The following CLIC5 variants were observed in gnomAD, a reference collection of about 807,000 sequenced individuals.
CLIC5 encodes the protein chloride intracellular channel protein 5.
Under a neutral mutation model 24.7 loss-of-function variants are expected in CLIC5, and 20 were observed. The ratio of observed to expected loss-of-function variants is 0.81; its 90% CI spans 0.57 to 1.18. The LOEUF is 1.18. Ranked by LOEUF, CLIC5 falls within the 50% of genes most tolerant of loss-of-function variation. The probability of loss-of-function intolerance (pLI) is 0.00; values close to 1 mark genes in which losing one functional copy is unlikely to be tolerated. For synonymous variants in CLIC5, 159 were observed against 135.6 expected (o/e 1.17, Z -1.20); for missense variants, 341 against 326.1 (o/e 1.05, Z -0.35).
Position 45,902,910 on chromosome 6 carries a change from A to T in CLIC5, c.*178T>A. On this transcript the variant is annotated 3_prime_UTR_variant, in exon 6 of 6. Transcript: ENST00000339561. ...TGCTAGATTCCTATGTGAGGAGGCC[A>T]GGGATGGTGCTGACCTTCATGAAAG... The T allele has an allele frequency of 1.5e-6, 1 of 647,530 alleles. No homozygotes were observed. 40.1% of individuals were successfully genotyped at this position (647,530 alleles called of 1,614,324 possible). A position where few individuals can be genotyped will look rare whatever the true frequency, so the allele number is the denominator to read the frequency against.
At chr6:46,105,748 T>C in the CLIC5 span, among the ~76,000 whole-genome samples, 1 of 152,224 alleles carries the variant, frequency 6.6e-6, no homozygotes, top group Admixed American at 6.5e-5. Flanking sequence ...CTCTTTGGCC[T>C]TGGGGATGCC....
chr6:46,049,637 C>A (rs1768049550), intron 1 of CLIC5, among the ~76,000 whole-genome samples: 1 of 152,142 alleles, frequency 6.6e-6, no homozygotes, highest in Non-Finnish European at 1.5e-5. Flanking sequence ...GTCAACCTGG[C>A]TGTGGGAATA....
At chr6:45,925,244 A>AT (rs567793327) in intron 4 of CLIC5, among the ~76,000 whole-genome samples, 367 of 151,976 alleles carry the variant, frequency 2.4e-3, no homozygotes, top group African/African-American at 8.3e-3. Context: ...TCAGGCTTCT[A>AT]TTACAAACAG....
chr6:46,007,367 C>T (rs1444413011), intron 1 of CLIC5, among the ~76,000 whole-genome samples: 1 of 152,166 alleles, frequency 6.6e-6, no homozygotes, highest in Non-Finnish European at 1.5e-5. Context: ...ACTAACCTTT[C>T]CAGGGGTGAA....
intron 3 of CLIC5, among the ~76,000 whole-genome samples, chr6:45,949,028 C>T (rs1339655373): frequency 1.3e-5 from 2 of 152,092 alleles, no homozygotes; most frequent in Non-Finnish European, 2.9e-5. Context: ...GTAGGAGTGA[C>T]TGGCTCTTGT....
At chr6:45,923,121 G>A (rs1312388011) in intron 4 of CLIC5, among the ~76,000 whole-genome samples, 3 of 152,244 alleles carry the variant, frequency 2.0e-5, no homozygotes, top group Non-Finnish European at 2.9e-5. Flanking sequence ...CTAATAGAAA[G>A]TACGGCATAA....
At chr6:45,912,232 T>C in intron 5 of CLIC5, 4 of 987,862 alleles carry the variant, frequency 4.0e-6, no homozygotes, top group Non-Finnish European at 4.8e-6. Flanking sequence ...TTCTGGGATC[T>C]GATAAGCTGG....
At chr6:45,964,489 G>A (rs538301462) in intron 1 of CLIC5, among the ~76,000 whole-genome samples, 9 of 152,262 alleles carry the variant, frequency 5.9e-5, no homozygotes, top group African/African-American at 1.9e-4. Context: ...AGGTAATAGG[G>A]GGTGATACAG....
intron 1 of CLIC5, among the ~76,000 whole-genome samples, chr6:46,004,760 A>C (rs1766488715): frequency 1.3e-5 from 2 of 151,804 alleles, no homozygotes; most frequent in Non-Finnish European, 2.9e-5. Context: ...TGAATGAGGA[A>C]AGGCCACATA....
chr6:46,080,263 T>A (rs1416165), exon 1 of CLIC5: 1 of 1,541,374 alleles, frequency 6.5e-7, no homozygotes, highest in South Asian at 1.2e-5. Context: ...CCGAGAGATC[T>A]GTTTACAGGG....
At chr6:45,932,478 CTTGCTTAATACG>C (rs1763774601) in intron 4 of CLIC5, among the ~76,000 whole-genome samples, 1 of 152,206 alleles carries the variant, frequency 6.6e-6, no homozygotes, top group African/African-American at 2.4e-5. Context: ...TGAGGATGAT[CTTGCTTAATACG>C]TTTACTTTAA....
chr6:46,108,032 C>CAAAAAA, the CLIC5 span, among the ~76,000 whole-genome samples: 10 of 33,212 alleles, frequency 3.0e-4, 1 homozygote, highest in African/African-American at 4.9e-4. Context: ...AAAACTCCAT[C>CAAAAAA]AAAAAAAAAA....
At chr6:45,909,915 T>C (rs1762770233) in intron 5 of CLIC5, among the ~76,000 whole-genome samples, 1 of 152,194 alleles carries the variant, frequency 6.6e-6, no homozygotes, top group Non-Finnish European at 1.5e-5. Flanking sequence ...CTCTGGGCTT[T>C]TGTCTCCATT....
At chr6:46,041,129 GAAAAAC>G (rs1389148106) in intron 1 of CLIC5, among the ~76,000 whole-genome samples, 1 of 152,218 alleles carries the variant, frequency 6.6e-6, no homozygotes, top group East Asian at 1.9e-4. Context: ...ATATGCATAT[GAAAAAC>G]TATGTTAGAA....
intron 1 of CLIC5, among the ~76,000 whole-genome samples, chr6:46,037,017 T>G (rs1025855215): frequency 6.6e-6 from 1 of 152,206 alleles, no homozygotes; most frequent in African/African-American, 2.4e-5. Flanking sequence ...CCCCCATTTT[T>G]TTTTCATCCT....
chr6:45,910,494 C>T (rs1762786206), intron 5 of CLIC5, among the ~76,000 whole-genome samples: 1 of 152,100 alleles, frequency 6.6e-6, no homozygotes, highest in African/African-American at 2.4e-5. Context: ...AATGAGCAAA[C>T]TGAAGCTACA....
At chr6:46,005,892 G>A (rs899766311) in intron 1 of CLIC5, among the ~76,000 whole-genome samples, 2 of 150,982 alleles carry the variant, frequency 1.3e-5, no homozygotes, top group African/African-American at 4.9e-5. Flanking sequence ...CCAGAACTGT[G>A]AGAAATAAAT....
intron 1 of CLIC5, among the ~76,000 whole-genome samples, chr6:45,966,282 A>G (rs374876688): frequency 6.6e-6 from 1 of 152,134 alleles, no homozygotes; most frequent in Admixed American, 6.5e-5. Flanking sequence ...ATGTCAACAA[A>G]GTATGTTTTT....
chr6:46,090,084 A>C, the CLIC5 span, among the ~76,000 whole-genome samples: 16 of 152,214 alleles, frequency 1.1e-4, no homozygotes, highest in Non-Finnish European at 2.1e-4. Flanking sequence ...TAAAAACGAC[A>C]ACAAAAAACG....
Sources: allele counts gnomAD v4.1 joint callset (sites outside exome capture counted in the v4.1 genomes callset), GRCh38; gene constraint gnomAD v4.1.1; transcripts MANE v1.5; gene names NCBI Gene and HGNC (gene_info 2026-07-23, HGNC 2026-07-21).